The following ASIC2 variants were observed in gnomAD, a reference collection of about 807,000 sequenced individuals.
ASIC2 encodes acid sensing ion channel subunit 2, also known as acid-sensing ion channel 2.
In ASIC2, 25 loss-of-function variants were observed where a neutral mutation model predicts 57.3. The ratio of observed to expected loss-of-function variants is 0.44; its 90% confidence interval spans 0.32 to 0.61. ASIC2 has a LOEUF of 0.61. ASIC2 is among the 20% of genes least tolerant of loss of function. The pLI, the probability that ASIC2 is intolerant of heterozygous loss-of-function variation, is 0.06. For synonymous variants in ASIC2, 319 were observed against 307.5 expected (o/e 1.04, Z -0.39); for missense variants, 641 against 738.1 (o/e 0.87, Z 1.52).
At chr17:33,164,411 C>G (rs1054892951) in intron 1 of ASIC2, among the ~76,000 whole-genome samples, 1 of 151,406 alleles carries the variant, frequency 6.6e-6, no homozygotes, top group Non-Finnish European at 1.5e-5. Flanking sequence ...TCCCCAAGGT[C>G]TTTCCTGCAG....
chr17:33,017,341 C>T (rs1310625353), intron 8 of ASIC2, among the ~76,000 whole-genome samples: 1 of 152,210 alleles, frequency 6.6e-6, no homozygotes, highest in Non-Finnish European at 1.5e-5. Flanking sequence ...CCCATCCTTC[C>T]CTGCCAGTGT....
intron 1 of ASIC2, among the ~76,000 whole-genome samples, chr17:34,074,722 C>T (rs1446277725): frequency 6.6e-6 from 1 of 151,096 alleles, no homozygotes; most frequent in Non-Finnish European, 1.5e-5. Context: ...TATAAAGTTT[C>T]AAATGTGGGT....
intron 1 of ASIC2, among the ~76,000 whole-genome samples, chr17:34,061,605 C>T (rs145552792): frequency 5.3e-4 from 81 of 152,276 alleles, no homozygotes; most frequent in Middle Eastern, 6.8e-3. Flanking sequence ...ACTCACCAAT[C>T]AACTATCTGC....
At chr17:33,499,324 CCTGT>C (rs1231862204) in intron 1 of ASIC2, among the ~76,000 whole-genome samples, 6 of 152,190 alleles carry the variant, frequency 3.9e-5, no homozygotes, top group African/African-American at 1.2e-4. Context: ...GTGCTAACTC[CCTGT>C]CTGTCAGTGT....
intron 1 of ASIC2, among the ~76,000 whole-genome samples, chr17:33,596,612 A>G (rs1904986595): frequency 6.6e-6 from 1 of 152,152 alleles, no homozygotes; most frequent in Non-Finnish European, 1.5e-5. Flanking sequence ...TTTGTCAGGT[A>G]GATAGGACCC....
intron 1 of ASIC2, among the ~76,000 whole-genome samples, chr17:33,159,151 A>G (rs993953147): frequency 6.6e-6 from 1 of 152,168 alleles, no homozygotes; most frequent in Non-Finnish European, 1.5e-5. Context: ...GTTTAGTTTC[A>G]TCATTACCCA....
intron 1 of ASIC2, among the ~76,000 whole-genome samples, chr17:33,384,909 C>A (rs1200852182): frequency 6.6e-6 from 1 of 152,136 alleles, no homozygotes; most frequent in East Asian, 1.9e-4. Context: ...GAAGGCAGGG[C>A]CATCTCTTCT....
chr17:33,452,035 A>G (rs1172543029), intron 1 of ASIC2, among the ~76,000 whole-genome samples: 1 of 152,370 alleles, frequency 6.6e-6, no homozygotes, highest in South Asian at 2.1e-4. Context: ...GAATTAATGC[A>G]TCACCTCCAC....
intron 1 of ASIC2, among the ~76,000 whole-genome samples, chr17:33,583,356 A>G (rs956878730): frequency 1.3e-5 from 2 of 152,184 alleles, no homozygotes; most frequent in Non-Finnish European, 2.9e-5. Flanking sequence ...GTTGGCATAA[A>G]TGGCCCCATT....
intron 1 of ASIC2, among the ~76,000 whole-genome samples, chr17:33,374,143 G>C (rs187220138): frequency 4.6e-5 from 7 of 151,740 alleles, no homozygotes; most frequent in Admixed American, 3.3e-4. Context: ...TTACAGGTGC[G>C]CACCACCCAA....
At chr17:33,182,266 A>C (rs2142059913) in intron 1 of ASIC2, among the ~76,000 whole-genome samples, 1 of 152,306 alleles carries the variant, frequency 6.6e-6, no homozygotes, top group South Asian at 2.1e-4. Context: ...TGTAAAAAAC[A>C]AGAATCAGGG....
intron 1 of ASIC2, among the ~76,000 whole-genome samples, chr17:33,677,038 G>T (rs1157635601): frequency 6.6e-6 from 1 of 152,162 alleles, no homozygotes; most frequent in Admixed American, 6.5e-5. Context: ...ACTGTGAGTG[G>T]CATGCTGGTG....
At chr17:33,324,492 C>T (rs1191967719) in intron 1 of ASIC2, among the ~76,000 whole-genome samples, 1 of 151,980 alleles carries the variant, frequency 6.6e-6, no homozygotes, top group African/African-American at 2.4e-5. Context: ...TGACAGAGCC[C>T]TGCAAATATG....
At chr17:33,079,569 G>A (rs73982418) in intron 3 of ASIC2, among the ~76,000 whole-genome samples, 3,016 of 152,166 alleles carry the variant, frequency 0.02, 99 homozygotes, top group African/African-American at 0.069. Flanking sequence ...AGATGAGCAG[G>A]GCTGTATTTT....
chr17:33,124,090 A>G, intron 1 of ASIC2, among the ~76,000 whole-genome samples: 1 of 152,198 alleles, frequency 6.6e-6, no homozygotes, highest in Admixed American at 6.5e-5. Context: ...ATAGGTAACG[A>G]CCCATATGGC....
At chr17:33,812,510 G>T (rs1478208014) in intron 1 of ASIC2, among the ~76,000 whole-genome samples, 1 of 152,084 alleles carries the variant, frequency 6.6e-6, no homozygotes, top group Non-Finnish European at 1.5e-5. Context: ...TCCAGGGTGG[G>T]GAGGATTACT....
intron 1 of ASIC2, among the ~76,000 whole-genome samples, chr17:33,760,713 T>C (rs893347139): frequency 1.2e-4 from 18 of 152,166 alleles, no homozygotes; most frequent in African/African-American, 3.6e-4. Flanking sequence ...TACATAATTA[T>C]AAGGTGTATT....
At chr17:33,262,310 G>C (rs1909315171) in intron 1 of ASIC2, among the ~76,000 whole-genome samples, 1 of 150,518 alleles carries the variant, frequency 6.6e-6, no homozygotes, top group African/African-American at 2.4e-5. Context: ...ATAGGGAAGG[G>C]AATGGGGAGA....
At chr17:33,861,221 G>A (rs1249895066) in intron 1 of ASIC2, among the ~76,000 whole-genome samples, 4 of 152,190 alleles carry the variant, frequency 2.6e-5, no homozygotes, top group Non-Finnish European at 5.9e-5. Context: ...TTATGGGAAA[G>A]CAGGTAGTTA....
Sources: allele counts gnomAD v4.1 joint callset (sites outside exome capture counted in the v4.1 genomes callset), GRCh38; gene constraint gnomAD v4.1.1; transcripts MANE v1.5; gene names NCBI Gene and HGNC (gene_info 2026-07-23, HGNC 2026-07-21).